Variants in CHCT1 observed in about 807,000 individuals in gnomAD.
CHCT1 encodes CHD1 helical C-terminal domain containing protein 1.
At chr17:60,421,603 G>A in the CHCT1 span, 12 of 982,838 alleles carry the variant, frequency 1.2e-5, no homozygotes, top group African/African-American at 7.0e-5. Flanking sequence ...CGGGGGCAAC[G>A]GTCTCTCGTC....
the CHCT1 span, among the ~76,000 whole-genome samples, chr17:60,423,798 G>A: frequency 1.3e-5 from 2 of 152,202 alleles, no homozygotes; most frequent in African/African-American, 4.8e-5. Context: ...CACTTTTGTG[G>A]TCAAAGGTTC....
chr17:60,429,066 T>G, the CHCT1 span, among the ~76,000 whole-genome samples: 2 of 152,196 alleles, frequency 1.3e-5, no homozygotes, highest in Non-Finnish European at 1.5e-5. Flanking sequence ...AAGTTAGATC[T>G]TTAAAACACA....
the CHCT1 span, chr17:60,426,692 C>T: frequency 1.3e-6 from 2 of 1,599,564 alleles, no homozygotes; most frequent in East Asian, 2.3e-5. Flanking sequence ...CTCCACCTCC[C>T]CAGCCTAGGG....
At chr17:60,431,314 C>A in the CHCT1 span, 1 of 1,373,818 alleles carries the variant, frequency 7.3e-7, no homozygotes. Flanking sequence ...TCTCAGAGCA[C>A]GGGGAATGGA....
At chr17:60,422,378 C>T in the CHCT1 span, 2 of 1,286,314 alleles carry the variant, frequency 1.6e-6, no homozygotes, top group Admixed American at 2.6e-5. Flanking sequence ...GTCCAGATCC[C>T]AGCTGGAGGG....
At chr17:60,424,001 G>C in the CHCT1 span, among the ~76,000 whole-genome samples, 10 of 152,346 alleles carry the variant, frequency 6.6e-5, no homozygotes, top group African/African-American at 2.4e-4. Context: ...AAGCTTACAA[G>C]CATGACAGAA....
the CHCT1 span, chr17:60,426,028 A>G: frequency 0.17 from 210,585 of 1,257,196 alleles, 30,967 homozygotes; most frequent in African/African-American, 0.75. Context: ...GAGGTGCACC[A>G]GAGCCACCTC....
chr17:60,430,627 T>A, the CHCT1 span, among the ~76,000 whole-genome samples: 1 of 152,194 alleles, frequency 6.6e-6, no homozygotes, highest in Admixed American at 6.5e-5. Context: ...ATTACAGGCA[T>A]GTGCCACCAC....
At chr17:60,426,906 A>C in the CHCT1 span, 179 of 1,533,962 alleles carry the variant, frequency 1.2e-4, no homozygotes, top group African/African-American at 2.0e-3. Flanking sequence ...TGACACACCC[A>C]GAGCCCCTCT....
chr17:60,425,640 G>C, the CHCT1 span: 3 of 600,468 alleles, frequency 5.0e-6, no homozygotes, highest in Non-Finnish European at 9.1e-6. Flanking sequence ...TTTGCCCAAG[G>C]CTCACTCACA....
At chr17:60,424,139 AG>A in the CHCT1 span, among the ~76,000 whole-genome samples, 3 of 152,192 alleles carry the variant, frequency 2.0e-5, no homozygotes, top group African/African-American at 7.2e-5. Context: ...TAATTGGGGC[AG>A]GGAGGGCACC....
At chr17:60,424,068 G>T in the CHCT1 span, among the ~76,000 whole-genome samples, 64 of 152,096 alleles carry the variant, frequency 4.2e-4, no homozygotes, top group Admixed American at 1.3e-4. Flanking sequence ...GAGAGAGGAG[G>T]GCGTGTCAGG....
the CHCT1 span, chr17:60,429,632 T>TA: frequency 6.8e-7 from 1 of 1,478,062 alleles, no homozygotes; most frequent in Non-Finnish European, 9.3e-7. Flanking sequence ...TTCCCAAGAG[T>TA]AGACTCAAGC....
the CHCT1 span, chr17:60,429,584 T>C: frequency 1.9e-6 from 3 of 1,601,956 alleles, no homozygotes; most frequent in South Asian, 1.1e-5. Context: ...GTTGGGGTGA[T>C]GCCTGGACCC....
chr17:60,423,926 G>A, the CHCT1 span, among the ~76,000 whole-genome samples: 1 of 152,196 alleles, frequency 6.6e-6, no homozygotes, highest in South Asian at 2.1e-4. Flanking sequence ...AAAGAAAAGA[G>A]GTTTATTTGG....
At chr17:60,425,844 T>C in the CHCT1 span, 1 of 1,551,804 alleles carries the variant, frequency 6.4e-7, no homozygotes, top group African/African-American at 1.4e-5. Context: ...GACTCGCTCA[T>C]GCGCCATGCC....
At chr17:60,430,130 T>C in the CHCT1 span, among the ~76,000 whole-genome samples, 1 of 139,594 alleles carries the variant, frequency 7.2e-6, no homozygotes, top group African/African-American at 2.5e-5. Context: ...GGCTTTTTTT[T>C]TTTTTTTTTT....
chr17:60,426,263 G>A, the CHCT1 span: 1 of 1,552,028 alleles, frequency 6.4e-7, no homozygotes, highest in Admixed American at 2.0e-5. Context: ...GCAGAGCCTT[G>A]TGGTCCTAGG....
chr17:60,429,364 G>A, the CHCT1 span: 2 of 1,612,888 alleles, frequency 1.2e-6, no homozygotes, highest in South Asian at 1.1e-5. Flanking sequence ...CATGGCAGGT[G>A]ACATTCTGCG....
Sources: allele counts gnomAD v4.1 joint callset (sites outside exome capture counted in the v4.1 genomes callset), GRCh38; gene constraint gnomAD v4.1.1; transcripts MANE v1.5; gene names NCBI Gene and HGNC (gene_info 2026-07-23, HGNC 2026-07-21).